Variants in NRXN3 observed in about 807,000 individuals in gnomAD.
NRXN3 encodes the protein neurexin 3.
Under a neutral mutation model 137.6 loss-of-function variants are expected in NRXN3, and 32 were observed. That is an observed-to-expected ratio of 0.23 (90% CI 0.18 to 0.31). NRXN3 has a LOEUF of 0.31. Ranked by LOEUF, NRXN3 falls within the 10% of genes least tolerant of loss-of-function variation. The probability of loss-of-function intolerance (pLI) is 1.00; values close to 1 mark genes in which losing one functional copy is unlikely to be tolerated. For synonymous variants in NRXN3, 798 were observed against 784.5 expected (o/e 1.02, Z -0.29); for missense variants, 1,574 against 2,062.5 (o/e 0.76, Z 4.59).
At chr14:78,235,040 G>A (rs59318178) in intron 1 of NRXN3, among the ~76,000 whole-genome samples, 21,565 of 93,726 alleles carry the variant, frequency 0.23, 3,310 homozygotes, top group East Asian at 0.4. Flanking sequence ...ATATATATGT[G>A]TGTGTGTGTG....
chr14:78,385,429 A>G (rs1210911149), intron 4 of NRXN3, among the ~76,000 whole-genome samples: 1 of 152,192 alleles, frequency 6.6e-6, no homozygotes, highest in African/African-American at 2.4e-5. Context: ...TTAAGTCAGC[A>G]CAAAAAATTG....
At chr14:78,958,374 T>A (rs1290214128) in intron 11 of NRXN3, among the ~76,000 whole-genome samples, 1 of 151,712 alleles carries the variant, frequency 6.6e-6, no homozygotes, top group Non-Finnish European at 1.5e-5. Flanking sequence ...TTTTTTTTTT[T>A]TAAGACAGTC....
intron 20 of NRXN3, among the ~76,000 whole-genome samples, chr14:79,851,508 A>G (rs929866939): frequency 2.0e-5 from 3 of 152,126 alleles, no homozygotes; most frequent in African/African-American, 7.2e-5. Context: ...AAAGTAAAAT[A>G]ATAAAAGGGG....
chr14:79,711,457 A>G (rs1441080496), intron 19 of NRXN3, among the ~76,000 whole-genome samples: 1 of 151,480 alleles, frequency 6.6e-6, no homozygotes, highest in African/African-American at 2.4e-5. Context: ...GTATATATGT[A>G]TATATATTTA....
At chr14:79,349,154 C>T (rs2093061732) in intron 15 of NRXN3, among the ~76,000 whole-genome samples, 1 of 152,106 alleles carries the variant, frequency 6.6e-6, no homozygotes, top group African/African-American at 2.4e-5. Flanking sequence ...TCCTCTTCAG[C>T]AGTTAGTTTG....
At chr14:79,789,693 G>GGA (rs1251283577) in intron 19 of NRXN3, among the ~76,000 whole-genome samples, 2 of 152,284 alleles carry the variant, frequency 1.3e-5, no homozygotes, top group Non-Finnish European at 2.9e-5. Context: ...GTAGCAGTGA[G>GGA]GATGACCAGA....
At chr14:79,438,138 A>G (rs1250203735) in intron 15 of NRXN3, among the ~76,000 whole-genome samples, 1 of 152,178 alleles carries the variant, frequency 6.6e-6, no homozygotes, top group East Asian at 1.9e-4. Context: ...TTCTCCTGGG[A>G]TCGGGCTGCT....
chr14:79,316,227 A>G (rs1258384782), intron 15 of NRXN3, among the ~76,000 whole-genome samples: 1 of 152,198 alleles, frequency 6.6e-6, no homozygotes, highest in African/African-American at 2.4e-5. Flanking sequence ...CTTGTTTCCA[A>G]CACCTTGTAA....
At chr14:79,565,416 CA>C (rs1653917829) in intron 16 of NRXN3, among the ~76,000 whole-genome samples, 1 of 150,316 alleles carries the variant, frequency 6.7e-6, no homozygotes, top group African/African-American at 2.4e-5. Flanking sequence ...GAATGATTGC[CA>C]GGGGTCCCCA....
chr14:78,571,107 A>G (rs1382547644), intron 4 of NRXN3, among the ~76,000 whole-genome samples: 1 of 152,218 alleles, frequency 6.6e-6, no homozygotes, highest in Non-Finnish European at 1.5e-5. Context: ...TTCATCTTCC[A>G]CATATGGTTC....
intron 4 of NRXN3, among the ~76,000 whole-genome samples, chr14:78,417,174 G>T: frequency 6.6e-6 from 1 of 152,214 alleles, no homozygotes; most frequent in Non-Finnish European, 1.5e-5. Flanking sequence ...CACACTCTTA[G>T]CTTAGCTTAC....
chr14:79,352,411 G>A (rs187444534), intron 15 of NRXN3, among the ~76,000 whole-genome samples: 34 of 152,138 alleles, frequency 2.2e-4, no homozygotes, highest in South Asian at 6.2e-4. Flanking sequence ...ATAGAATCTC[G>A]AACTTGAGAT....
chr14:78,731,883 G>A (rs940982536), intron 8 of NRXN3, among the ~76,000 whole-genome samples: 1 of 48,180 alleles, frequency 2.1e-5, no homozygotes, highest in Non-Finnish European at 5.1e-5. Context: ...CTTGAAAAAC[G>A]TGATTTTTAA....
intron 4 of NRXN3, among the ~76,000 whole-genome samples, chr14:78,347,281 C>T (rs1023871156): frequency 2.8e-4 from 42 of 152,164 alleles, no homozygotes; most frequent in African/African-American, 9.7e-4. Flanking sequence ...GCTCAGGGAG[C>T]ATAGTGAATT....
chr14:78,795,075 CAG>C (rs2098817528), intron 8 of NRXN3, among the ~76,000 whole-genome samples: 1 of 152,118 alleles, frequency 6.6e-6, no homozygotes, highest in Non-Finnish European at 1.5e-5. Flanking sequence ...GCCTGTGTAA[CAG>C]AGCAAGACTC....
chr14:79,441,875 A>T (rs1477299315), intron 15 of NRXN3, among the ~76,000 whole-genome samples: 1 of 151,832 alleles, frequency 6.6e-6, no homozygotes, highest in African/African-American at 2.4e-5. Flanking sequence ...GACAAAAAAA[A>T]AAACTGTCCT....
At chr14:78,662,563 G>T (rs919047343) in intron 6 of NRXN3, among the ~76,000 whole-genome samples, 1 of 152,114 alleles carries the variant, frequency 6.6e-6, no homozygotes, top group African/African-American at 2.4e-5. Flanking sequence ...CAACCATTTT[G>T]CTGAGGTTAT....
chr14:78,676,183 G>A (rs567492989), intron 6 of NRXN3, among the ~76,000 whole-genome samples: 39 of 152,126 alleles, frequency 2.6e-4, no homozygotes, highest in Admixed American at 2.6e-4. Context: ...CACATTTCTC[G>A]CTTTAAATCA....
intron 15 of NRXN3, among the ~76,000 whole-genome samples, chr14:79,330,842 C>G (rs990974722): frequency 6.6e-6 from 1 of 152,174 alleles, no homozygotes; most frequent in Non-Finnish European, 1.5e-5. Context: ...AGGTCCATGT[C>G]TAGTCACAAT....
Sources: gnomAD v4.1 joint callset for allele counts (sites outside exome capture counted in the v4.1 genomes callset) on GRCh38, gnomAD v4.1.1 for gene constraint, MANE v1.5 for transcripts, NCBI Gene and HGNC (gene_info 2026-07-23, HGNC 2026-07-21) for gene names.